The following NR3C1 variants were observed in gnomAD, a reference collection of about 807,000 sequenced individuals.
NR3C1 encodes glucocorticoid receptor.
A neutral mutation model predicts 74.0 loss-of-function variants in NR3C1; 14 were observed. That is an observed-to-expected ratio of 0.19 (90% CI 0.12 to 0.30). NR3C1 has a LOEUF of 0.30. NR3C1 is among the 10% of genes least tolerant of loss of function. The pLI is 1.00. For missense variants in NR3C1, 695 were observed against 909.8 expected, an observed-to-expected ratio of 0.76 and a Z score of 3.04; for synonymous variants, 308 against 332.5, an observed-to-expected ratio of 0.93 and a Z score of 0.80.
chr5:143,347,404 T>C (rs1753209737), intron 2 of NR3C1, among the ~76,000 whole-genome samples: 1 of 152,174 alleles, frequency 6.6e-6, no homozygotes, highest in Non-Finnish European at 1.5e-5. Flanking sequence ...AGTGCTGCTA[T>C]TTCTAGGCCT....
chr5:143,304,320 C>T (rs1435367722), intron 4 of NR3C1, among the ~76,000 whole-genome samples: 1 of 151,948 alleles, frequency 6.6e-6, no homozygotes, highest in Admixed American at 6.6e-5. Context: ...GTAACAGTCA[C>T]AAAAAGAGTA....
chr5:143,383,170 A>C (rs1315095324), intron 2 of NR3C1, among the ~76,000 whole-genome samples: 2 of 152,378 alleles, frequency 1.3e-5, no homozygotes, highest in East Asian at 3.9e-4. Context: ...GGCAGAAACA[A>C]CTAAAGCTTT....
At chr5:143,387,514 C>T (rs1287380017) in intron 2 of NR3C1, among the ~76,000 whole-genome samples, 1 of 152,154 alleles carries the variant, frequency 6.6e-6, no homozygotes, top group East Asian at 1.9e-4. Context: ...AATTCTTCAG[C>T]TATTCATTTA....
chr5:143,298,500 C>T (rs1274456089), intron 6 of NR3C1, among the ~76,000 whole-genome samples, 168 bp downstream of exon 6: 2 of 152,216 alleles, frequency 1.3e-5, no homozygotes, highest in Non-Finnish European at 2.9e-5. Flanking sequence ...TTACATTACA[C>T]TTGTCCTGCC....
rs72542748 is a variant in NR3C1, at chr5:143,300,396, T to A, written c.1747+89A>T. 3.2e-5 allele frequency: 48 copies of A among 1,507,506 alleles called. No homozygotes were observed. The African/African-American group carries it at 6.3e-4, about 20-fold the overall frequency. 93.4% of individuals were successfully genotyped at this position (1,507,506 alleles called of 1,614,324 possible). On this transcript the variant is annotated intron_variant, in intron 5 of 8. Coordinates refer to ENST00000394464, the MANE Select transcript of NR3C1 (RefSeq NM_000176.3). This position sits in a 1 kb window ranked among gnomAD's most constrained non-coding sequence, Gnocchi z 5.2. ...GAACTAAGAGAAACAAGATAAGCCA[T>A]GGGCTCACGATGATATAAAAGCCAA... is the stretch of plus-strand genomic sequence containing the variant.
chr5:143,432,393 G>C (rs915374646), intron 1 of NR3C1, among the ~76,000 whole-genome samples: 1 of 152,168 alleles, frequency 6.6e-6, no homozygotes, highest in Non-Finnish European at 1.5e-5. Context: ...TGGTGGCAAC[G>C]GGGATGGGGA....
chr5:143,435,311 C>G, exon 1 of NR3C1: 1 of 985,346 alleles, frequency 1.0e-6, no homozygotes, highest in Non-Finnish European at 1.2e-6. Context: ...CTTCTAAGGT[C>G]CAGTGATTTG....
At chr5:143,404,435 C>A (rs1432455258), upstream of NR3C1, 1 of 985,326 alleles carries the variant, frequency 1.0e-6, no homozygotes, top group Non-Finnish European at 1.2e-6. Context: ...ATCTGGGCGG[C>A]CGGGTCTTCA....
At position 143,300,336 on chromosome 5, in the gene NR3C1, C is replaced by T. The variant is rs1011011775; in HGVS notation, c.1747+149G>A. 2.3e-6 allele frequency: 2 copies of T among 870,154 alleles called. No individual in the cohort carries two copies. Among genetic ancestry groups the T allele is most frequent in the African/African-American group, 1.7e-5 (1 of 60,422 alleles). 53.9% of individuals were successfully genotyped at this position (870,154 alleles called of 1,614,324 possible). A position where few individuals can be genotyped will look rare whatever the true frequency, so the allele number is the denominator to read the frequency against. On this transcript the variant is annotated intron_variant, in intron 5 of 8. Coordinates refer to ENST00000394464, the MANE Select transcript of NR3C1 (RefSeq NM_000176.3). This position sits in a 1 kb window ranked among gnomAD's most constrained non-coding sequence, Gnocchi z 5.2. ...TGTTTTATTATAAACTCCCTATCAC[C>T]TGTATTCACCTGACTCTCCCCTTCA... is the stretch of plus-strand genomic sequence containing the variant.
intron 1 of NR3C1, among the ~76,000 whole-genome samples, chr5:143,418,911 G>A (rs867651776): frequency 6.6e-6 from 1 of 152,134 alleles, no homozygotes; most frequent in Non-Finnish European, 1.5e-5. Context: ...CATAATGATC[G>A]GGTTTCCTCT....
chr5:143,391,304 G>A (rs1838179685), intron 2 of NR3C1, among the ~76,000 whole-genome samples: 1 of 151,850 alleles, frequency 6.6e-6, no homozygotes, highest in African/African-American at 2.4e-5. Flanking sequence ...TCAACCATTT[G>A]ATCAATAAAG....
intron 2 of NR3C1, among the ~76,000 whole-genome samples, chr5:143,396,830 C>T (rs1308746276): frequency 6.6e-6 from 1 of 151,722 alleles, no homozygotes; most frequent in South Asian, 2.1e-4. Context: ...AGCTCTAATA[C>T]CACCTAAAAC....
At chr5:143,340,114 C>G (rs186515714) in intron 2 of NR3C1, among the ~76,000 whole-genome samples, 1 of 152,076 alleles carries the variant, frequency 6.6e-6, no homozygotes, top group Non-Finnish European at 1.5e-5. Flanking sequence ...CACATATACA[C>G]AATAGATATG....
intron 2 of NR3C1, among the ~76,000 whole-genome samples, chr5:143,395,008 A>G (rs991052837): frequency 2.6e-5 from 4 of 151,984 alleles, no homozygotes; most frequent in Admixed American, 1.3e-4. Context: ...AAGGAAAGCA[A>G]CCTGTCACAA....
Position 143,388,895 on chromosome 5 carries a change from G to A in NR3C1, c.1184+10761C>T, listed in dbSNP as rs147564420. Among the ~76,000 whole-genome samples, 110 of 152,300 alleles carry A rather than the reference G, an allele frequency of 7.2e-4. 1 individual carries two copies. The East Asian group carries it at 0.015, about 21-fold the overall frequency. On this transcript the variant is annotated intron_variant, in intron 2 of 8. Coordinates refer to ENST00000394464, the MANE Select transcript of NR3C1 (RefSeq NM_000176.3). ...ATCATGTGATATTTGATGACAACAT[G>A]CATGCACATAATACTTTCATCCATT... is the stretch of plus-strand genomic sequence containing the variant.
intron 2 of NR3C1, among the ~76,000 whole-genome samples, chr5:143,389,253 T>C (rs916241433): frequency 1.3e-5 from 2 of 152,168 alleles, no homozygotes; most frequent in African/African-American, 4.8e-5. Flanking sequence ...AGTGTCTAGC[T>C]TGATAAATGC....
At chr5:143,348,725 G>C (rs1284559958) in intron 2 of NR3C1, among the ~76,000 whole-genome samples, 2 of 152,090 alleles carry the variant, frequency 1.3e-5, no homozygotes, top group Non-Finnish European at 2.9e-5. Flanking sequence ...CATAAGTTTT[G>C]ATCAGACATG....
chr5:143,298,559 A>T, intron 6 of NR3C1, 109 bp downstream of exon 6: 1 of 1,205,510 alleles, frequency 8.3e-7, no homozygotes, highest in Non-Finnish European at 1.2e-6. Context: ...CTAGATACCT[A>T]GTAGGATTGT....
chr5:143,293,969 A>C (rs927248342), intron 7 of NR3C1: 7 of 985,070 alleles, frequency 7.1e-6, no homozygotes, highest in African/African-American at 1.7e-5. Flanking sequence ...GTAACTGCTT[A>C]ATCACTTCTT....
Sources: allele counts gnomAD v4.1 joint callset (sites outside exome capture counted in the v4.1 genomes callset), GRCh38; gene constraint gnomAD v4.1.1; non-coding constraint Gnocchi (gnomAD v3.1); transcripts MANE v1.5; gene names NCBI Gene and HGNC (gene_info 2026-07-23, HGNC 2026-07-21).